UBASH3B: variants seen among roughly 807,000 people sequenced by gnomAD.
The protein encoded by UBASH3B is ubiquitin associated and SH3 domain containing B.
UBASH3B carries 37 observed loss-of-function variants against 83.4 expected under a neutral mutation model. The ratio of observed to expected loss-of-function variants is 0.44; its 90% CI spans 0.34 to 0.58. UBASH3B has a LOEUF of 0.58. Ranked by LOEUF, UBASH3B falls within the 20% of genes least tolerant of loss-of-function variation. The probability of loss-of-function intolerance (pLI) is 0.01; values close to 1 mark genes in which losing one functional copy is unlikely to be tolerated. For synonymous variants in UBASH3B, 304 were observed against 318.3 expected, an observed-to-expected ratio of 0.96 and a Z score of 0.48; for missense variants, 657 against 827.2, an observed-to-expected ratio of 0.79 and a Z score of 2.52.
chr11:122,806,465 A>C lies in UBASH3B; in HGVS notation c.1651A>C (p.Ser551Arg), dbSNP rs1306074534. 6 of 1,607,164 alleles carry C rather than the reference A, an allele frequency of 3.7e-6. No individual in the cohort carries two copies. The highest frequency in any genetic ancestry group is 5.1e-6 in the Non-Finnish European group (6 of 1,177,760). ...TTCAGAATCCTATGATACTTATATC[A>C]GTAGAAGTTTCCAAGTAACAAAAGA... ...VVSESYDTYI[S>R]RSFQVTKEII... The change falls in exon 12 of 14, where the codon AGT becomes CGT. Residue 551 changes from serine to arginine, a missense_variant. Physicochemically the swap from Ser to Arg is moderately radical, Grantham distance 110. This residue lies in a region of UBASH3B where 573 missense variants were observed against 739.0 expected (regional missense o/e 0.78). Coordinates refer to ENST00000284273, the MANE Select transcript of UBASH3B (RefSeq NM_032873.5). This position sits in a 1 kb window ranked among gnomAD's most constrained non-coding sequence, Gnocchi z 4.0.
intron 11 of UBASH3B, among the ~76,000 whole-genome samples, chr11:122,805,164 GAAGC>G (rs923750059): frequency 7.9e-4 from 121 of 152,362 alleles, no homozygotes; most frequent in African/African-American, 2.8e-3. Flanking sequence ...AAGGCAAGGA[GAAGC>G]AAGTCACGTC....
intron 10 of UBASH3B, among the ~76,000 whole-genome samples, chr11:122,799,633 T>C (rs1861216819): frequency 6.6e-6 from 1 of 152,238 alleles, no homozygotes; most frequent in Admixed American, 6.5e-5. Context: ...TTCTTTACAC[T>C]TAATAGTCAA....
chr11:122,720,493 C>T (rs1200034670), intron 1 of UBASH3B, among the ~76,000 whole-genome samples: 1 of 152,226 alleles, frequency 6.6e-6, no homozygotes, highest in Non-Finnish European at 1.5e-5. Flanking sequence ...GATGGAATCA[C>T]TCCACTGCTC....
At chr11:122,678,985 C>G (rs76743213) in intron 1 of UBASH3B, among the ~76,000 whole-genome samples, 1 of 152,278 alleles carries the variant, frequency 6.6e-6, no homozygotes, top group Non-Finnish European at 1.5e-5. Context: ...AAGGATGCCT[C>G]TGTGTTTAAG....
Position 122,779,613 on chromosome 11 carries a change from C to A in UBASH3B, c.519C>A (p.Ile173=), listed in dbSNP as rs202008949. The change falls in exon 4 of 14, where the codon ATC becomes ATA. Residue 173 remains isoleucine (I), a synonymous_variant. Coordinates refer to ENST00000284273, the MANE Select transcript of UBASH3B (RefSeq NM_032873.5). The part of the protein sequence containing the change: ...PLELYTSSNF[I]GLFVKEDSAE... The stretch of plus-strand genomic sequence containing the variant: ...AGCTCTATACGTCGTCCAACTTCAT[C>A]GGCCTCTTTGTAAAGGAAGACAGTG... 1.2e-6 allele frequency: 2 copies of A among 1,614,072 alleles called. No homozygotes were observed. The highest frequency in any genetic ancestry group is 1.3e-5 in the African/African-American group (1 of 74,922).
At chr11:122,667,436 G>T (rs1863534700) in intron 1 of UBASH3B, among the ~76,000 whole-genome samples, 1 of 152,170 alleles carries the variant, frequency 6.6e-6, no homozygotes, top group Non-Finnish European at 1.5e-5. Context: ...TATAACAGGA[G>T]TTGAGAGTAT....
intron 1 of UBASH3B, among the ~76,000 whole-genome samples, chr11:122,713,283 A>G (rs928267186): frequency 6.6e-6 from 1 of 152,106 alleles, no homozygotes; most frequent in Admixed American, 6.5e-5. Flanking sequence ...CAGGAGGTGC[A>G]CTGTAGATCC....
chr11:122,789,157 C>A lies in UBASH3B; in HGVS notation c.829C>A (p.Pro277Thr), dbSNP rs199930808. The A allele has an allele frequency of 5.7e-5, 92 of 1,614,106 alleles. 1 individual carries two copies. The East Asian group carries it at 1.1e-3, about 19-fold the overall frequency. ...PQNDDELELV[P>T]GDFIFMSPME... Reference sequence around the variant, plus strand: ...AAATGACGATGAGCTGGAGCTGGTCCCCGGGGACTTCATCTTCATGTCTCC... The same window carrying A: ...AAATGACGATGAGCTGGAGCTGGTCACCGGGGACTTCATCTTCATGTCTCC... Residue 277 changes from proline (P) to threonine (T), a missense_variant, in exon 6 of 14, where the codon CCC (proline) becomes ACC (threonine). By Grantham distance (38) the Pro-to-Thr change is conservative. Transcript: ENST00000284273.
intron 1 of UBASH3B, among the ~76,000 whole-genome samples, chr11:122,775,278 A>G (rs1156640338): frequency 6.6e-6 from 1 of 152,274 alleles, no homozygotes; most frequent in Non-Finnish European, 1.5e-5. Context: ...GTATACTTTA[A>G]GAAGAGCTCC....
At chr11:122,692,463 T>C (rs1863908241) in intron 1 of UBASH3B, among the ~76,000 whole-genome samples, 1 of 152,156 alleles carries the variant, frequency 6.6e-6, no homozygotes, top group African/African-American at 2.4e-5. Context: ...TACAGCAGCA[T>C]AGAAACAAAG....
Position 122,670,740 on chromosome 11 carries a change from G to T in UBASH3B, c.161+14530G>T, listed in dbSNP as rs73613013. Among the ~76,000 whole-genome samples the T allele has an allele frequency of 7.6e-3, 1,153 of 152,108 alleles. 11 individuals carry two copies. The highest frequency in any genetic ancestry group is 0.027 in the African/African-American group (1,105 of 41,486). On this transcript the variant is annotated intron_variant, in intron 1 of 13. Transcript: ENST00000284273. Reference sequence around the variant, plus strand: ...CCAGCCTCCTCAAGACCTAGATGGAGCCTAGGGAATAATTTATTATTTATT... The same window carrying T: ...CCAGCCTCCTCAAGACCTAGATGGATCCTAGGGAATAATTTATTATTTATT...
intron 1 of UBASH3B, among the ~76,000 whole-genome samples, chr11:122,693,529 G>A (rs1196797358): frequency 6.6e-6 from 1 of 152,208 alleles, no homozygotes; most frequent in Non-Finnish European, 1.5e-5. Context: ...ATGGAGGGAT[G>A]AGTGGGCATG....
intron 1 of UBASH3B, among the ~76,000 whole-genome samples, chr11:122,768,241 A>G (rs913787318): frequency 2.6e-5 from 4 of 152,130 alleles, no homozygotes; most frequent in Non-Finnish European, 4.4e-5. Flanking sequence ...GATTGGCTCC[A>G]TTTGGTGACT....
intron 1 of UBASH3B, among the ~76,000 whole-genome samples, chr11:122,729,308 A>G (rs1158180595): frequency 6.6e-6 from 1 of 152,102 alleles, no homozygotes; most frequent in Non-Finnish European, 1.5e-5. Context: ...AGTTCAGCTG[A>G]GATGCCACGC....
chr11:122,677,026 C>T (rs139755845), intron 1 of UBASH3B, among the ~76,000 whole-genome samples: 49 of 152,280 alleles, frequency 3.2e-4, no homozygotes, highest in African/African-American at 1.1e-3. Context: ...CCTCCATGTC[C>T]ATAGGTTTTG....
At chr11:122,808,804 A>G (rs560733938) in intron 13 of UBASH3B, among the ~76,000 whole-genome samples, 76 of 152,298 alleles carry the variant, frequency 5.0e-4, no homozygotes, top group Middle Eastern at 3.4e-3. Flanking sequence ...ACATTTTTGA[A>G]AAGTTTATTT....
At chr11:122,809,327 G>A (rs551341922) in intron 13 of UBASH3B, among the ~76,000 whole-genome samples, 87 of 152,250 alleles carry the variant, frequency 5.7e-4, no homozygotes, top group African/African-American at 1.9e-3. Flanking sequence ...CGCCCGCCTC[G>A]GCCTCCCAAA....
chr11:122,680,459 C>A (rs1863723449), intron 1 of UBASH3B, among the ~76,000 whole-genome samples: 1 of 152,100 alleles, frequency 6.6e-6, no homozygotes, highest in South Asian at 2.1e-4. Flanking sequence ...CTATCAAGTG[C>A]TCTCCCTTTA....
At chr11:122,756,534 T>C (rs1209567244) in intron 1 of UBASH3B, among the ~76,000 whole-genome samples, 1 of 152,204 alleles carries the variant, frequency 6.6e-6, no homozygotes, top group African/African-American at 2.4e-5. Context: ...GAAGGGGCCA[T>C]TTCTGCCTCT....
Sources: allele counts gnomAD v4.1 joint callset (sites outside exome capture counted in the v4.1 genomes callset), GRCh38; gene constraint gnomAD v4.1.1; regional missense constraint gnomAD v4.1.1; non-coding constraint Gnocchi (gnomAD v3.1); transcripts MANE v1.5; gene names NCBI Gene and HGNC (gene_info 2026-07-23, HGNC 2026-07-21).